Variants in YLPM1 observed in about 807,000 individuals in gnomAD.
YLPM1 encodes the protein YLP motif containing 1.
YLPM1 carries 99 observed loss-of-function variants against 230.0 expected under a neutral mutation model. The observed-to-expected ratio is 0.43, with a 90% CI of 0.37 to 0.51. The LOEUF is 0.51. Among genes scored for constraint, YLPM1 ranks in the 20% least tolerant of loss-of-function variants. The probability of loss-of-function intolerance (pLI) is 0.00; values close to 1 mark genes in which losing one functional copy is unlikely to be tolerated. For missense variants in YLPM1, 2,592 were observed against 2,707.7 expected (o/e 0.96, Z 0.95); for synonymous variants, 984 against 942.5 (o/e 1.04, Z -0.81).
At chr14:74,802,229 A>AC (rs1475173783) in intron 5 of YLPM1, among the ~76,000 whole-genome samples, 2 of 152,020 alleles carry the variant, frequency 1.3e-5, no homozygotes, top group East Asian at 3.9e-4. Flanking sequence ...AAAAAAAAAA[A>AC]AAAAAAATAG....
In YLPM1 at chr14:74,816,920, G is replaced by T. The variant is rs1213913376; in HGVS notation, c.5686-11G>T. ...TTTTGCTAATTCCATATCTCTTTTG[G>T]GGGACCTTAGGTAATGGAATATGAA... is the stretch of plus-strand genomic sequence containing the variant. On this transcript the variant is annotated splice_polypyrimidine_tract_variant and intron_variant, in intron 13 of 20. Coordinates refer to ENST00000325680, the MANE Select transcript of YLPM1 (RefSeq NM_019589.3). The T allele has an allele frequency of 2.6e-6, 4 of 1,546,768 alleles. No homozygotes were observed. The Admixed American group carries it at 6.5e-5, about 25-fold the overall frequency.
At chr14:74,773,660 A>G (rs2091001768) in intron 1 of YLPM1, among the ~76,000 whole-genome samples, 1 of 147,482 alleles carries the variant, frequency 6.8e-6, no homozygotes, top group Admixed American at 6.7e-5. Flanking sequence ...TTAATGCTAC[A>G]TTATTATTAT....
Position 74,811,784 on chromosome 14 carries a change from C to T in YLPM1, c.5347+46C>T, listed in dbSNP as rs567496681. The T allele has an allele frequency of 3.1e-6, 4 of 1,292,734 alleles. No homozygotes were observed. The African/African-American group carries it at 6.2e-5, about 20-fold the overall frequency. 80.1% of individuals were successfully genotyped at this position (1,292,734 alleles called of 1,614,324 possible). Reference sequence around the variant, plus strand: ...CTACAAGGATGTTGAGAATGTAAAGCATGGGAGATGCTTTCCATTGTAGCT... The same window carrying T: ...CTACAAGGATGTTGAGAATGTAAAGTATGGGAGATGCTTTCCATTGTAGCT... On this transcript the variant is annotated intron_variant, in intron 10 of 20. Transcript: ENST00000325680.
chr14:74,767,427 G>T (rs1475122535), intron 1 of YLPM1, among the ~76,000 whole-genome samples: 1 of 152,188 alleles, frequency 6.6e-6, no homozygotes, highest in Non-Finnish European at 1.5e-5. Context: ...AGTCCAAACA[G>T]AATACTGAAA....
At chr14:74,792,096 A>G (rs1165328826) in intron 4 of YLPM1, among the ~76,000 whole-genome samples, 1 of 152,182 alleles carries the variant, frequency 6.6e-6, no homozygotes, top group Non-Finnish European at 1.5e-5. Flanking sequence ...CGAGAAAGGA[A>G]CCACACCTTC....
At chr14:74,769,627 C>T (rs2090954115) in intron 1 of YLPM1, among the ~76,000 whole-genome samples, 1 of 150,916 alleles carries the variant, frequency 6.6e-6, no homozygotes, top group East Asian at 2.0e-4. Context: ...GTTTCACCAT[C>T]TTGGCCAGGC....
At chr14:74,801,805 T>C (rs2091328746) in intron 5 of YLPM1, among the ~76,000 whole-genome samples, 3 of 152,246 alleles carry the variant, frequency 2.0e-5, no homozygotes. Context: ...TATTTTGCTT[T>C]GTAAATATGA....
Position 74,778,559 on chromosome 14 carries a change from C to T in YLPM1, c.986C>T (p.Pro329Leu), listed in dbSNP as rs77448538. 6.8e-6 allele frequency: 11 copies of T among 1,606,078 alleles called. No homozygotes were observed. Among genetic ancestry groups the T allele is most frequent in the South Asian group, 2.2e-5 (2 of 89,128 alleles). ...GTGGTAGCAAAGGATACACCAGAGCCGGTAAAAGAAGAAGTTACAGTACCT... is the reference window on the plus strand; with the variant it reads ...GTGGTAGCAAAGGATACACCAGAGCTGGTAAAAGAAGAAGTTACAGTACCT... ...GPVVAKDTPE[P>L]VKEEVTVPAT... Residue 329 changes from proline to leucine, a missense_variant, in exon 2 of 21, where the codon CCG becomes CTG. Pro to Leu is a moderately conservative substitution (Grantham distance 98). Transcript: ENST00000325680.
intron 6 of YLPM1, among the ~76,000 whole-genome samples, chr14:74,805,774 C>T (rs1046344316): frequency 6.6e-6 from 1 of 150,528 alleles, no homozygotes; most frequent in African/African-American, 2.4e-5. Context: ...ACAATCTCAG[C>T]TCACTGTAAT....
At chr14:74,815,092 G>C (rs983144283) in intron 11 of YLPM1, among the ~76,000 whole-genome samples, 19 of 152,172 alleles carry the variant, frequency 1.2e-4, no homozygotes, top group African/African-American at 4.6e-4. Flanking sequence ...ACTCGAGGCA[G>C]AGTCTCACTA....
intron 1 of YLPM1, among the ~76,000 whole-genome samples, chr14:74,765,494 A>G (rs2090903100): frequency 6.6e-6 from 1 of 152,208 alleles, no homozygotes; most frequent in African/African-American, 2.4e-5. Flanking sequence ...AAGTAGTAGA[A>G]TAATGATTCT....
intron 17 of YLPM1, chr14:74,821,712 C>T (rs1329838422): frequency 6.6e-6 from 1 of 152,192 alleles, no homozygotes; most frequent in African/African-American, 2.4e-5. Flanking sequence ...TTTCTGTGTA[C>T]CTAATGTAAA....
Position 74,781,723 on chromosome 14 carries a change from G to C in YLPM1, c.1680G>C (p.Met560Ile). The change falls in exon 4 of 21, where the codon ATG (methionine) becomes ATC (isoleucine). Residue 560 changes from methionine to isoleucine, a missense_variant. Around this residue, in one of 4 missense-constraint regions of YLPM1, gnomAD observed 1,862 missense variants for 1,819.8 expected, o/e 1.02. Transcript: ENST00000325680. The part of the protein sequence containing the change: ...ALPATVPPPG[M>I]PPPVMPPSLP... ...CTGCTACAGTGCCACCACCTGGCAT[G>C]CCCCCACCTGTTATGCCACCTTCTC... 5 of 1,596,644 alleles carry C rather than the reference G, an allele frequency of 3.1e-6. No homozygotes were observed. Among genetic ancestry groups the C allele is most frequent in the Non-Finnish European group, 4.3e-6 (5 of 1,175,390 alleles).
At chr14:74,764,475 A>G in intron 1 of YLPM1, 113 bp downstream of exon 1, 10 of 1,316,596 alleles carry the variant, frequency 7.6e-6, no homozygotes, top group Non-Finnish European at 1.0e-5. Context: ...ACTAGCTAAC[A>G]CTCCAAAGGA....
intron 19 of YLPM1, among the ~76,000 whole-genome samples, chr14:74,834,055 A>G (rs2091626249): frequency 6.6e-6 from 1 of 152,142 alleles, no homozygotes; most frequent in Non-Finnish European, 1.5e-5. Context: ...AAAACATATT[A>G]ACATAATATG....
intron 4 of YLPM1, 68 bp from the exon 5 acceptor site, chr14:74,797,512 A>G: frequency 1.5e-6 from 2 of 1,332,906 alleles, no homozygotes; most frequent in East Asian, 2.6e-5. Context: ...TGCCTTAAAT[A>G]TTCTTACATG....
rs1594801894 is a variant in YLPM1 at position 74,763,416 on chromosome 14, C to T, written c.-74C>T. On this transcript the variant is annotated 5_prime_UTR_variant, in exon 1 of 21. Transcript: ENST00000325680. ...CGCCGCGAGTTCCGGCTGTCGCCGT[C>T]GCCGCCGCGGCTCCTGGAGGTCGGT... 17 of 1,373,558 alleles carry T rather than the reference C, an allele frequency of 1.2e-5. No homozygotes were observed. Among genetic ancestry groups the T allele is most frequent in the East Asian group, 1.1e-4 (4 of 35,878 alleles). The allele number at this position is 1,373,558 out of a possible 1,614,324, so 85.1% of individuals were successfully genotyped here.
chr14:74,829,790 A>G (rs903319923), intron 19 of YLPM1, among the ~76,000 whole-genome samples: 5 of 152,212 alleles, frequency 3.3e-5, no homozygotes, highest in African/African-American at 1.2e-4. Flanking sequence ...GGGGAGTCAT[A>G]GGTCATAATT....
chr14:74,764,028 C>T lies in YLPM1; in HGVS notation c.539C>T (p.Ser180Phe), dbSNP rs775402634. Residue 180 changes from serine (S) to phenylalanine (F), a missense_variant, in exon 1 of 21, where the codon TCT (serine) becomes TTT (phenylalanine). Transcript: ENST00000325680. ...CCCTCTTACTACCCCCCGACCTCAT[C>T]TCAGCCCTACCTGCCTCCTGCTCAG... ...PPPSYYPPTS[S>F]QPYLPPAQPS... is the part of the protein sequence containing the mutation. 49 of 1,610,936 alleles carry T rather than the reference C, an allele frequency of 3.0e-5. No homozygotes were observed. In the Admixed American group the frequency reaches 7.7e-4, roughly 25 times the overall value.
Sources: allele counts gnomAD v4.1 joint callset (sites outside exome capture counted in the v4.1 genomes callset), GRCh38; gene constraint gnomAD v4.1.1; regional missense constraint gnomAD v4.1.1; transcripts MANE v1.5; gene names NCBI Gene and HGNC (gene_info 2026-07-23, HGNC 2026-07-21).